MORF4L1: variants seen among roughly 807,000 people sequenced by gnomAD.
MORF4L1 encodes the protein mortality factor 4 like 1.
Under a neutral mutation model 52.9 loss-of-function variants are expected in MORF4L1, and 4 were observed. That is an observed-to-expected ratio of 0.08 (90% CI 0.04 to 0.17). MORF4L1 has a LOEUF of 0.17. Among genes scored for constraint, MORF4L1 ranks in the 10% least tolerant of loss-of-function variants. The pLI is 1.00. For missense variants in MORF4L1, 214 were observed against 390.4 expected (o/e 0.55, Z 3.81); for synonymous variants, 123 against 134.8 (o/e 0.91, Z 0.61).
chr15:78,894,813 T>C lies in MORF4L1; in HGVS notation c.803-7T>C. ...GTAACTTTGGATAAATTCTCTTGTT[T>C]AAACAGTACGAATTGGAGCAATGTT... On this transcript the variant is annotated splice_polypyrimidine_tract_variant and splice_region_variant and intron_variant, in intron 10 of 11. Coordinates refer to ENST00000426013, the MANE Select transcript of MORF4L1 (RefSeq NM_006791.4). 6.2e-7 allele frequency: 1 copy of C among 1,609,152 alleles called. No individual in the cohort carries two copies.
At position 78,897,000 on chromosome 15, in the gene MORF4L1, C is replaced by G; in HGVS notation, c.905C>G (p.Ser302Cys). The G allele has an allele frequency of 1.2e-6, 2 of 1,613,136 alleles. No individual in the cohort carries two copies. ...HDFLKYLAKN[S>C]ATLFSASDYE... ...ATTTTTAGGTACCTGGCAAAGAATT[C>G]TGCAACTTTGTTCAGTGCCAGCGAT... The change falls in exon 12 of 12, where the codon TCT (serine) becomes TGT (cysteine). Residue 302 changes from serine (S) to cysteine (C), a missense_variant. By Grantham distance (112) the Ser-to-Cys change is moderately radical. Coordinates refer to ENST00000426013, the MANE Select transcript of MORF4L1 (RefSeq NM_006791.4).
In MORF4L1 at chr15:78,897,110, T is replaced by A; in HGVS notation, c.*43T>A. ...TTATGTTTGGATCTCCGTAAACACA[T>A]TTTTGTTCTTAGTCTATCTCTTGTA... On this transcript the variant is annotated 3_prime_UTR_variant, in exon 12 of 12. Coordinates refer to ENST00000426013, the MANE Select transcript of MORF4L1 (RefSeq NM_006791.4). 6.8e-7 allele frequency: 1 copy of A among 1,469,400 alleles called. No homozygotes were observed. Among genetic ancestry groups the A allele is most frequent in the Non-Finnish European group, 9.5e-7 (1 of 1,051,634 alleles). The allele number at this position is 1,469,400 out of a possible 1,614,324, so 91.0% of individuals were successfully genotyped here.
In MORF4L1 at chr15:78,896,851, CTG is replaced by C. The variant is rs1318590860; in HGVS notation, c.888-129_888-128del. 3 of 635,964 alleles carry C rather than the reference CTG, an allele frequency of 4.7e-6. No homozygotes were observed. The Admixed American group carries it at 7.7e-5, about 16-fold the overall frequency. 39.4% of individuals were successfully genotyped at this position (635,964 alleles called of 1,614,324 possible). On this transcript the variant is annotated intron_variant, in intron 11 of 11. Coordinates refer to ENST00000426013, the MANE Select transcript of MORF4L1 (RefSeq NM_006791.4). ...TGAATTGTCATTATGTGTGGTTTTA[CTG>C]TGAGAGAATGTCTGGTTTAATGTAT...
chr15:78,873,117 A>T, intron 1 of MORF4L1, 60 bp downstream of exon 1: 1 of 1,546,420 alleles, frequency 6.5e-7, no homozygotes. Context: ...GGCGGGCTCG[A>T]GGTGATTGAG....
At chr15:78,896,131 AC>A (rs924573640) in intron 11 of MORF4L1, among the ~76,000 whole-genome samples, 59 of 152,014 alleles carry the variant, frequency 3.9e-4, no homozygotes, top group African/African-American at 1.3e-3. Flanking sequence ...GGTGCACACC[AC>A]CATGCCTGAC....
intron 3 of MORF4L1, 59 bp downstream of exon 3, chr15:78,880,638 T>G (rs1481205570): frequency 1.5e-6 from 2 of 1,296,392 alleles, no homozygotes; most frequent in South Asian, 2.6e-5. Context: ...TGTCACTGAC[T>G]GGCTTAGCAA....
chr15:78,876,789 G>A (rs1209950641), intron 1 of MORF4L1, among the ~76,000 whole-genome samples: 1 of 152,156 alleles, frequency 6.6e-6, no homozygotes, highest in South Asian at 2.1e-4. Context: ...AGGTCCAGCA[G>A]CCTCTAGCAG....
intron 7 of MORF4L1, among the ~76,000 whole-genome samples, chr15:78,891,945 A>G (rs968931946): frequency 6.6e-6 from 1 of 152,214 alleles, no homozygotes; most frequent in Non-Finnish European, 1.5e-5. Flanking sequence ...AGGGTGTTTC[A>G]TTTCCTGAAC....
intron 2 of MORF4L1, among the ~76,000 whole-genome samples, chr15:78,879,406 G>A (rs991131327): frequency 1.3e-5 from 2 of 152,128 alleles, no homozygotes; most frequent in African/African-American, 4.8e-5. Context: ...AGTTTTAGTA[G>A]AGACGGGGTT....
chr15:78,895,877 C>G (rs1210785154), intron 11 of MORF4L1, among the ~76,000 whole-genome samples: 1 of 151,546 alleles, frequency 6.6e-6, no homozygotes, highest in Non-Finnish European at 1.5e-5. Context: ...GATTTATCAT[C>G]TTTTCTTTAC....
chr15:78,893,231 A>T (rs920126271), intron 8 of MORF4L1, among the ~76,000 whole-genome samples: 8 of 152,238 alleles, frequency 5.3e-5, no homozygotes, highest in Non-Finnish European at 1.0e-4. Flanking sequence ...TGACATTTTT[A>T]AAAGCTGTGC....
chr15:78,886,258 G>A, intron 4 of MORF4L1, 31 bp downstream of exon 4: 1 of 1,530,050 alleles, frequency 6.5e-7, no homozygotes, highest in Non-Finnish European at 9.1e-7. Context: ...GAATATTAAG[G>A]AGAAATGCCT....
At chr15:78,886,651 A>G (rs2056709204) in intron 4 of MORF4L1, among the ~76,000 whole-genome samples, 1 of 152,174 alleles carries the variant, frequency 6.6e-6, no homozygotes, top group African/African-American at 2.4e-5. Context: ...GTTGAAATGT[A>G]TTTTTAAAAA....
chr15:78,875,785 CAAAAA>C (rs10592452), intron 1 of MORF4L1, among the ~76,000 whole-genome samples: 5 of 148,226 alleles, frequency 3.4e-5, no homozygotes, highest in African/African-American at 1.2e-4. Flanking sequence ...GACTCCATTT[CAAAAA>C]AAAAAAAAAT....
intron 2 of MORF4L1, among the ~76,000 whole-genome samples, chr15:78,879,669 C>G (rs4778858): frequency 6.6e-6 from 1 of 151,578 alleles, no homozygotes; most frequent in African/African-American, 2.4e-5. Context: ...GGGGCTGTGA[C>G]GTACAAGCCT....
intron 1 of MORF4L1, chr15:78,877,786 T>C (rs987108270): frequency 6.5e-6 from 1 of 154,304 alleles, no homozygotes; most frequent in African/African-American, 2.4e-5. Context: ...TTGTACGATA[T>C]TTCACTGAGT....
chr15:78,888,604 T>A (rs2056746669), intron 5 of MORF4L1, among the ~76,000 whole-genome samples: 1 of 152,080 alleles, frequency 6.6e-6, no homozygotes, highest in Admixed American at 6.6e-5. Flanking sequence ...ATTTTTCTAC[T>A]TAAAAGTAAG....
intron 10 of MORF4L1, 92 bp downstream of exon 10, chr15:78,894,322 G>A: frequency 4.0e-6 from 4 of 1,006,926 alleles, no homozygotes; most frequent in Non-Finnish European, 5.6e-6. Context: ...TCCAAAACAT[G>A]ACTCCCATTT....
chr15:78,876,104 ATTTTTGTATT>A (rs2056484478), intron 1 of MORF4L1, among the ~76,000 whole-genome samples: 1 of 151,622 alleles, frequency 6.6e-6, no homozygotes, highest in Non-Finnish European at 1.5e-5. Context: ...CGCCCAGCTA[ATTTTTGTATT>A]TTTAGTAGAG....
Sources: allele counts gnomAD v4.1 joint callset (sites outside exome capture counted in the v4.1 genomes callset), GRCh38; gene constraint gnomAD v4.1.1; transcripts MANE v1.5; gene names NCBI Gene and HGNC (gene_info 2026-07-23, HGNC 2026-07-21).